Variants in MSMO1 observed in about 807,000 individuals in gnomAD.
The protein encoded by MSMO1 is methylsterol monooxygenase 1, also known as C-4 methylsterol oxidase.
Under a neutral mutation model 30.4 loss-of-function variants are expected in MSMO1, and 18 were observed. The observed-to-expected ratio is 0.59, with a 90% confidence interval of 0.41 to 0.88. The LOEUF (loss-of-function observed/expected upper bound fraction) is 0.88. Among genes scored for constraint, MSMO1 ranks in the 40% least tolerant of loss-of-function variants. The pLI, the probability that MSMO1 is intolerant of heterozygous loss-of-function variation, is 0.00. For missense variants in MSMO1, 284 were observed against 340.5 expected, an observed-to-expected ratio of 0.83 and a Z score of 1.31; for synonymous variants, 84 against 107.9, an observed-to-expected ratio of 0.78 and a Z score of 1.37.
intron 4 of MSMO1, among the ~76,000 whole-genome samples, chr4:165,339,383 C>T (rs962123810): frequency 2.6e-5 from 4 of 152,098 alleles, no homozygotes; most frequent in African/African-American, 4.8e-5. Context: ...GGATTACAGG[C>T]GTGAGCCACC....
chr4:165,329,708 C>A (rs930241145), intron 1 of MSMO1, among the ~76,000 whole-genome samples: 1 of 134,270 alleles, frequency 7.4e-6, no homozygotes, highest in African/African-American at 2.9e-5. Flanking sequence ...GATCTCTGCT[C>A]GCTGCAACCT....
In MSMO1 at chr4:165,337,654, AT is replaced by A. The variant is rs1362711476; in HGVS notation, c.256-133del. Reference sequence around the variant, plus strand: ...GTTGTCAAGAATTTAGAAGGCAAAGATTCCTGAGTCTTAGTTATATAAAGTT... The same window carrying A: ...GTTGTCAAGAATTTAGAAGGCAAAGATCCTGAGTCTTAGTTATATAAAGTT... On this transcript the variant is annotated intron_variant, in intron 2 of 5. Transcript: ENST00000261507. 1.7e-5 allele frequency: 14 copies of A among 839,134 alleles called. No homozygotes were observed. In the African/African-American group the frequency reaches 2.4e-4, roughly 14 times the overall value. 52.0% of individuals were successfully genotyped at this position (839,134 alleles called of 1,614,324 possible).
Position 165,340,112 on chromosome 4 carries a change from G to A in MSMO1, c.532-109G>A, listed in dbSNP as rs1747676220. On this transcript the variant is annotated intron_variant, in intron 4 of 5. Transcript: ENST00000261507. ...AAAAATACCTTCACAACAACATCTA[G>A]ACTGGTATTTAATCAAACAGTTGGA... 4.4e-6 allele frequency: 4 copies of A among 899,748 alleles called. No individual in the cohort carries two copies. In the East Asian group the frequency reaches 1.0e-4, roughly 23 times the overall value. The allele number at this position is 899,748 out of a possible 1,614,324, so 55.7% of individuals were successfully genotyped here.
chr4:165,333,600 A>T lies in MSMO1; in HGVS notation c.230A>T (p.Tyr77Phe). The T allele has an allele frequency of 6.3e-7, 1 of 1,595,198 alleles. No individual in the cohort carries two copies. The highest frequency in any genetic ancestry group is 8.5e-7 in the Non-Finnish European group (1 of 1,171,104). Residue 77 changes from tyrosine (Y) to phenylalanine (F), a missense_variant, in exon 2 of 6, where the codon TAT (tyrosine) becomes TTT (phenylalanine). Tyr to Phe is a conservative substitution (Grantham distance 22, BLOSUM62 3). Coordinates refer to ENST00000261507, the MANE Select transcript of MSMO1 (RefSeq NM_006745.5). ...GGATTTTTATTTCAATTTATACCTTATATGAAAAAATACAAAATTCAAAAG... is the reference window on the plus strand; with the variant it reads ...GGATTTTTATTTCAATTTATACCTTTTATGAAAAAATACAAAATTCAAAAG... Reference protein sequence around the residue: ...LPGFLFQFIPYMKKYKIQKDK... With the variant: ...LPGFLFQFIPFMKKYKIQKDK...
At chr4:165,333,119 G>GT (rs1195398943) in intron 1 of MSMO1, among the ~76,000 whole-genome samples, 1 of 151,982 alleles carries the variant, frequency 6.6e-6, no homozygotes, top group Non-Finnish European at 1.5e-5. Context: ...AAAATAATGT[G>GT]TTTTTTAAAG....
At chr4:165,331,822 C>T (rs1330944935) in intron 1 of MSMO1, among the ~76,000 whole-genome samples, 1 of 152,104 alleles carries the variant, frequency 6.6e-6, no homozygotes, top group Admixed American at 6.6e-5. Context: ...ACCTATTGAG[C>T]TTATTTATTA....
At chr4:165,340,746 G>T (rs1165931461) in intron 5 of MSMO1, 4 of 182,426 alleles carry the variant, frequency 2.2e-5, no homozygotes, top group African/African-American at 7.1e-5. Flanking sequence ...CTTGCAAGAT[G>T]AAACTACTAC....
At chr4:165,330,478 A>T (rs1312721965) in intron 1 of MSMO1, among the ~76,000 whole-genome samples, 1 of 152,234 alleles carries the variant, frequency 6.6e-6, no homozygotes, top group Non-Finnish European at 1.5e-5. Flanking sequence ...TTTGCTGCTG[A>T]TAAAACTGCA....
intron 1 of MSMO1, among the ~76,000 whole-genome samples, chr4:165,330,312 T>C (rs376207719): frequency 1.9e-4 from 29 of 152,354 alleles, no homozygotes; most frequent in South Asian, 1.2e-3. Flanking sequence ...AGTGAAAATG[T>C]AGAGAGCAGG....
intron 5 of MSMO1, 148 bp downstream of exon 5, chr4:165,340,523 TTAAA>T (rs1747688282): frequency 1.4e-6 from 1 of 712,416 alleles, no homozygotes; most frequent in Non-Finnish European, 2.3e-6. Flanking sequence ...GGATAAAAGT[TTAAA>T]TAATAGATGT....
chr4:165,331,044 C>A (rs1018556539), intron 1 of MSMO1, among the ~76,000 whole-genome samples: 1 of 152,136 alleles, frequency 6.6e-6, no homozygotes, highest in Admixed American at 6.5e-5. Context: ...TGGCTCACAC[C>A]TATAATCCCC....
rs1747751350 is a variant in MSMO1 at position 165,342,785 on chromosome 4, T to G, written c.*839T>G. ...AAAAGCCGGCACCAAGAACTTCCAT[T>G]CTAATCTAGAGCTGACCAGTTTGAG... On this transcript the variant is annotated 3_prime_UTR_variant, in exon 6 of 6. Coordinates refer to ENST00000261507, the MANE Select transcript of MSMO1 (RefSeq NM_006745.5). 6.6e-6 allele frequency: 1 copy of G among 152,262 alleles called. No individual in the cohort carries two copies. The highest frequency in any genetic ancestry group is 2.1e-4 in the South Asian group (1 of 4,832). The allele number at this position is 152,262 out of a possible 1,614,324, so 9.4% of individuals were successfully genotyped here. A position where few individuals can be genotyped will look rare whatever the true frequency, so the allele number is the denominator to read the frequency against.
intron 1 of MSMO1, among the ~76,000 whole-genome samples, chr4:165,331,314 A>G (rs998040591): frequency 2.1e-5 from 3 of 141,904 alleles, no homozygotes; most frequent in African/African-American, 8.5e-5. Context: ...AAAAAAAAAG[A>G]AAAAAAAAAA....
chr4:165,338,703 G>A lies in MSMO1; in HGVS notation c.456G>A (p.Trp152Ter), dbSNP rs1315871939. The A allele has an allele frequency of 6.2e-7, 1 of 1,606,014 alleles. No individual in the cohort carries two copies. The highest frequency in any genetic ancestry group is 8.5e-7 in the Non-Finnish European group (1 of 1,173,108). The part of the protein sequence containing the change: ...CFGCAVIEDT[W>*]HYFLHRLLHH... Reference sequence around the variant, plus strand: ...GTTGTGCAGTCATTGAAGATACTTGGCACTATTTTCTGCATAGACTCTTAC... The same window carrying A: ...GTTGTGCAGTCATTGAAGATACTTGACACTATTTTCTGCATAGACTCTTAC... The change falls in exon 4 of 6, where the codon TGG (tryptophan) becomes TGA (stop). Residue 152 changes from tryptophan to a stop codon, truncating the protein, a stop_gained. Transcript: ENST00000261507. LOFTEE classifies it high-confidence loss of function.
chr4:165,331,114 G>A (rs1747376546), intron 1 of MSMO1, among the ~76,000 whole-genome samples: 1 of 151,920 alleles, frequency 6.6e-6, no homozygotes, highest in East Asian at 1.9e-4. Context: ...GACCAGTCTG[G>A]GCAACATAGG....
intron 4 of MSMO1, 110 bp from the exon 5 acceptor site, chr4:165,340,111 A>T: frequency 1.1e-6 from 1 of 894,208 alleles, no homozygotes; most frequent in South Asian, 1.4e-5. Flanking sequence ...AACAACATCT[A>T]GACTGGTATT....
rs1747680978 is a variant in MSMO1 at position 165,340,266 on chromosome 4, C to CT, written c.578dup (p.Ile194AsnfsTer15). The CT allele has an allele frequency of 1.9e-6, 3 of 1,613,968 alleles. No individual in the cohort carries two copies. The highest frequency in any genetic ancestry group is 2.5e-6 in the Non-Finnish European group (3 of 1,179,942). ...TGAATATGCACATCCTTTGGAGACT[C>CT]TAATTCTTGGAACTGGATTTTTCAT... On this transcript the variant is annotated frameshift_variant, in exon 5 of 6. Coordinates refer to ENST00000261507, the MANE Select transcript of MSMO1 (RefSeq NM_006745.5). LOFTEE classifies it high-confidence loss of function.
intron 1 of MSMO1, among the ~76,000 whole-genome samples, chr4:165,328,690 G>C (rs998722089): frequency 6.6e-6 from 1 of 152,176 alleles, no homozygotes; most frequent in Non-Finnish European, 1.5e-5. Flanking sequence ...ATGAGTAAAG[G>C]AAAAGGAAAT....
chr4:165,330,881 A>G (rs1479422774), intron 1 of MSMO1, among the ~76,000 whole-genome samples: 2 of 152,200 alleles, frequency 1.3e-5, no homozygotes, highest in Non-Finnish European at 2.9e-5. Context: ...GTGAGCCACC[A>G]TGCCCAGCTG....
Sources: gnomAD v4.1 joint callset for allele counts (sites outside exome capture counted in the v4.1 genomes callset) on GRCh38, gnomAD v4.1.1 for gene constraint, MANE v1.5 for transcripts, NCBI Gene and HGNC (gene_info 2026-07-23, HGNC 2026-07-21) for gene names.